ROBO2: variants seen among roughly 807,000 people sequenced by gnomAD.
ROBO2 encodes the protein roundabout homolog 2.
ROBO2 carries 53 observed loss-of-function variants against 160.8 expected under a neutral mutation model. The observed-to-expected ratio is 0.33, with a 90% CI of 0.26 to 0.41. The LOEUF (loss-of-function observed/expected upper bound fraction) is 0.41, where lower values mean the gene tolerates loss of function less well. Among genes scored for constraint, ROBO2 ranks in the 10% least tolerant of loss-of-function variants. ROBO2 has a pLI of 1.00. For synonymous variants in ROBO2, 664 were observed against 611.7 expected, an observed-to-expected ratio of 1.09 and a Z score of -1.26; for missense variants, 1,577 against 1,722.4, an observed-to-expected ratio of 0.92 and a Z score of 1.49.
At chr3:77,159,947 C>T (rs933566683) in intron 2 of ROBO2, among the ~76,000 whole-genome samples, 2 of 151,992 alleles carry the variant, frequency 1.3e-5, no homozygotes, top group Non-Finnish European at 2.9e-5. Flanking sequence ...TGGTTTATTA[C>T]GTTTTAGAAG....
At chr3:76,786,767 AACT>A (rs1462556419) in intron 2 of ROBO2, among the ~76,000 whole-genome samples, 11 of 151,498 alleles carry the variant, frequency 7.3e-5, no homozygotes, top group African/African-American at 9.6e-5. Flanking sequence ...TCTCTGTCAC[AACT>A]ACTCAACTCT....
chr3:76,867,848 A>C (rs1274306093), intron 2 of ROBO2, among the ~76,000 whole-genome samples: 1 of 152,148 alleles, frequency 6.6e-6, no homozygotes, highest in Non-Finnish European at 1.5e-5. Context: ...TTCTTTGTGG[A>C]GTTTTCGATG....
intron 2 of ROBO2, among the ~76,000 whole-genome samples, chr3:76,504,654 G>A (rs1467419524): frequency 4.8e-5 from 7 of 147,160 alleles, no homozygotes; most frequent in South Asian, 4.4e-4. Context: ...TCAGCCTCCC[G>A]AGTAGCTGGG....
At chr3:76,813,440 T>G (rs554466858) in intron 2 of ROBO2, among the ~76,000 whole-genome samples, 1 of 152,274 alleles carries the variant, frequency 6.6e-6, no homozygotes, top group South Asian at 2.1e-4. Flanking sequence ...AACTTTGTTT[T>G]AAAATACTGT....
At chr3:77,344,340 G>A (rs2067393425) in intron 2 of ROBO2, among the ~76,000 whole-genome samples, 2 of 152,180 alleles carry the variant, frequency 1.3e-5, no homozygotes, top group African/African-American at 4.8e-5. Flanking sequence ...GCAATGGACT[G>A]AACATTTGTG....
intron 2 of ROBO2, among the ~76,000 whole-genome samples, chr3:77,419,702 A>G (rs1358046922): frequency 6.6e-6 from 1 of 152,156 alleles, no homozygotes; most frequent in African/African-American, 2.4e-5. Flanking sequence ...CTTGCATTTG[A>G]GGATTGAAAG....
intron 2 of ROBO2, among the ~76,000 whole-genome samples, chr3:76,097,423 A>G (rs2069499184): frequency 1.3e-5 from 2 of 152,162 alleles, no homozygotes; most frequent in African/African-American, 4.8e-5. Flanking sequence ...GCTGTGGTTC[A>G]TTAATATCCT....
chr3:76,549,451 G>A (rs1048590534), intron 2 of ROBO2, among the ~76,000 whole-genome samples: 1 of 152,166 alleles, frequency 6.6e-6, no homozygotes, highest in East Asian at 1.9e-4. Context: ...CAGTGCAACG[G>A]CAGGGAGGAA....
intron 16 of ROBO2, among the ~76,000 whole-genome samples, chr3:77,580,947 C>A (rs1458501859): frequency 6.6e-6 from 1 of 152,158 alleles, no homozygotes; most frequent in Non-Finnish European, 1.5e-5. Flanking sequence ...TAATTTCGTA[C>A]TCCCACCAGC....
intron 2 of ROBO2, among the ~76,000 whole-genome samples, chr3:76,748,396 C>CA (rs1414329711): frequency 3.3e-5 from 5 of 151,356 alleles, no homozygotes; most frequent in Admixed American, 2.0e-4. Context: ...ATAAAAATCA[C>CA]AAAAAATATG....
At chr3:77,190,389 G>A (rs1427814930) in intron 2 of ROBO2, among the ~76,000 whole-genome samples, 4 of 151,948 alleles carry the variant, frequency 2.6e-5, no homozygotes, top group Non-Finnish European at 5.9e-5. Context: ...CTTAACTGTT[G>A]CACCAGATGT....
At chr3:76,129,182 T>C (rs547833094) in intron 2 of ROBO2, among the ~76,000 whole-genome samples, 13 of 152,208 alleles carry the variant, frequency 8.5e-5, no homozygotes, top group Non-Finnish European at 1.9e-4. Context: ...CTTTGATCTA[T>C]CGATGACCAA....
chr3:77,395,977 C>A (rs1274647865), intron 2 of ROBO2, among the ~76,000 whole-genome samples: 1 of 151,112 alleles, frequency 6.6e-6, no homozygotes, highest in Non-Finnish European at 1.5e-5. Flanking sequence ...GCTAGGAAAT[C>A]GTTCTGCAAT....
intron 2 of ROBO2, chr3:76,434,559 G>T (rs1414376203): frequency 6.3e-7 from 1 of 1,588,252 alleles, no homozygotes; most frequent in Non-Finnish European, 8.6e-7. Flanking sequence ...GCTTATTTAA[G>T]TATACGGACA....
At chr3:75,950,019 C>CGT (rs1559777398) in intron 2 of ROBO2, among the ~76,000 whole-genome samples, 10 of 20,236 alleles carry the variant, frequency 4.9e-4, no homozygotes, top group Admixed American at 4.1e-3. Context: ...ACTACATATG[C>CGT]ATGTGTGTGT....
intron 2 of ROBO2, among the ~76,000 whole-genome samples, chr3:76,691,583 G>A (rs773436219): frequency 6.6e-6 from 1 of 152,162 alleles, no homozygotes; most frequent in Non-Finnish European, 1.5e-5. Context: ...GCTTCGATGA[G>A]AGAATGAATG....
intron 2 of ROBO2, among the ~76,000 whole-genome samples, chr3:77,363,324 A>C (rs1488023332): frequency 6.6e-6 from 1 of 152,138 alleles, no homozygotes; most frequent in Non-Finnish European, 1.5e-5. Flanking sequence ...CCATTTATAA[A>C]CCATTTCCTG....
At chr3:76,122,217 C>T (rs996839920) in intron 2 of ROBO2, among the ~76,000 whole-genome samples, 6 of 152,144 alleles carry the variant, frequency 3.9e-5, no homozygotes, top group African/African-American at 1.4e-4. Flanking sequence ...GTCAGTCAAA[C>T]ATGAATGTTG....
At chr3:77,419,321 A>G (rs192955835) in intron 2 of ROBO2, among the ~76,000 whole-genome samples, 1 of 152,156 alleles carries the variant, frequency 6.6e-6, no homozygotes, top group Non-Finnish European at 1.5e-5. Flanking sequence ...TTTCACATGT[A>G]TATCTCATTT....
Sources: gnomAD v4.1 joint callset for allele counts (sites outside exome capture counted in the v4.1 genomes callset) on GRCh38, gnomAD v4.1.1 for gene constraint, MANE v1.5 for transcripts, NCBI Gene and HGNC (gene_info 2026-07-23, HGNC 2026-07-21) for gene names.